Variants in DPYSL2 observed in about 807,000 individuals in gnomAD.
The protein encoded by DPYSL2 is dihydropyrimidinase-related protein 2.
DPYSL2 carries 13 observed loss-of-function variants against 69.9 expected under a neutral mutation model. The observed-to-expected ratio is 0.19, with a 90% CI of 0.12 to 0.30. DPYSL2 has a LOEUF of 0.30. Ranked by LOEUF, DPYSL2 falls within the 10% of genes least tolerant of loss-of-function variation. The probability of loss-of-function intolerance (pLI) is 1.00; values close to 1 mark genes in which losing one functional copy is unlikely to be tolerated. For synonymous variants in DPYSL2, 326 were observed against 359.1 expected (o/e 0.91, Z 1.04); for missense variants, 587 against 918.9 (o/e 0.64, Z 4.67).
At chr8:26,577,684 G>A (rs1801384227) in intron 1 of DPYSL2, 1 of 517,162 alleles carries the variant, frequency 1.9e-6, no homozygotes, top group African/African-American at 2.1e-5. Context: ...GCCAAACCCG[G>A]TCCCCACCGC....
intron 7 of DPYSL2, among the ~76,000 whole-genome samples, chr8:26,631,342 G>A (rs1175638096): frequency 6.6e-6 from 1 of 152,186 alleles, no homozygotes; most frequent in Non-Finnish European, 1.5e-5. Context: ...TTATGTGGCG[G>A]CAAGAGAGCG....
chr8:26,574,916 C>G (rs1428349288), intron 1 of DPYSL2, among the ~76,000 whole-genome samples: 1 of 152,126 alleles, frequency 6.6e-6, no homozygotes, highest in African/African-American at 2.4e-5. Context: ...CACCACCACA[C>G]TCAGCTAATT....
chr8:26,575,342 T>G (rs990194788), intron 1 of DPYSL2, among the ~76,000 whole-genome samples: 3 of 152,062 alleles, frequency 2.0e-5, no homozygotes, highest in Non-Finnish European at 4.4e-5. Flanking sequence ...CCTGTTTACC[T>G]GTGGTTTTTT....
At chr8:26,561,199 C>T (rs1801064444) in intron 1 of DPYSL2, among the ~76,000 whole-genome samples, 1 of 152,048 alleles carries the variant, frequency 6.6e-6, no homozygotes, top group African/African-American at 2.4e-5. Flanking sequence ...GACAACCACT[C>T]CTGCTTTCTT....
At chr8:26,622,991 C>G (rs1802532665) in intron 3 of DPYSL2, among the ~76,000 whole-genome samples, 1 of 152,148 alleles carries the variant, frequency 6.6e-6, no homozygotes, top group South Asian at 2.1e-4. Context: ...TATTGTTGCA[C>G]AAGTTTGATT....
intron 1 of DPYSL2, among the ~76,000 whole-genome samples, chr8:26,524,600 C>T (rs746739068): frequency 6.6e-6 from 1 of 151,856 alleles, no homozygotes; most frequent in African/African-American, 2.4e-5. Context: ...GAGTTTGAGA[C>T]CAGCCTGGCC....
rs1802610014 is a variant in DPYSL2, at chr8:26,626,304, G to A, written c.794-313G>A. ...GAATAATTCTGCTATGAACATGGAT[G>A]TGCAAACACTGGCAACTTTTAATTT... On this transcript the variant is annotated intron_variant, in intron 4 of 13. Transcript: ENST00000521913. The surrounding 1 kb of genome is among the most constrained non-coding windows in gnomAD (Gnocchi z 4.3). Among the ~76,000 whole-genome samples, 1 of 152,192 alleles carries A rather than the reference G, an allele frequency of 6.6e-6. No individual in the cohort carries two copies. Among genetic ancestry groups the A allele is most frequent in the South Asian group, 2.1e-4 (1 of 4,826 alleles).
At chr8:26,622,215 G>C (rs1268417970) in intron 3 of DPYSL2, among the ~76,000 whole-genome samples, 1 of 144,974 alleles carries the variant, frequency 6.9e-6, no homozygotes, top group East Asian at 2.2e-4. Context: ...GTTGATGAGG[G>C]GACATACAAC....
intron 1 of DPYSL2, among the ~76,000 whole-genome samples, chr8:26,550,203 G>A (rs1391782899): frequency 2.0e-5 from 3 of 152,182 alleles, no homozygotes; most frequent in Admixed American, 2.0e-4. Flanking sequence ...CTGCGATGAA[G>A]TGGTATAGTG....
intron 1 of DPYSL2, among the ~76,000 whole-genome samples, chr8:26,574,040 G>A (rs557150200): frequency 6.6e-6 from 1 of 152,054 alleles, no homozygotes; most frequent in Non-Finnish European, 1.5e-5. Context: ...GAGAAGAGGG[G>A]GCTTTTTGCT....
intron 3 of DPYSL2, among the ~76,000 whole-genome samples, chr8:26,616,349 G>A (rs942903440): frequency 1.3e-5 from 2 of 152,160 alleles, no homozygotes; most frequent in Non-Finnish European, 2.9e-5. Flanking sequence ...TTCCCTGCCT[G>A]GTTGATGAGG....
chr8:26,577,772 T>A, intron 1 of DPYSL2: 1 of 987,554 alleles, frequency 1.0e-6, no homozygotes, highest in Non-Finnish European at 1.2e-6. Context: ...GGCCGTTCAC[T>A]GCCGCATTTC....
chr8:26,601,177 A>G (rs1563404364), intron 3 of DPYSL2, among the ~76,000 whole-genome samples: 1 of 152,136 alleles, frequency 6.6e-6, no homozygotes, highest in East Asian at 1.9e-4. Flanking sequence ...CCCTCCTTGG[A>G]TGCTATACCC....
At position 26,652,018 on chromosome 8, in the gene DPYSL2, AATT is replaced by A. The variant is rs1344001650; in HGVS notation, c.1597-235_1597-233del. Among the ~76,000 whole-genome samples, 2 of 152,194 alleles carry A rather than the reference AATT, an allele frequency of 1.3e-5. No individual in the cohort carries two copies. Among genetic ancestry groups the A allele is most frequent in the African/African-American group, 4.8e-5 (2 of 41,452 alleles). On this transcript the variant is annotated intron_variant, in intron 11 of 13. Transcript: ENST00000521913. This position sits in a 1 kb window ranked among gnomAD's most constrained non-coding sequence, Gnocchi z 6.3. ...TTACAAACATGCACCCTTTTCACAC[AATT>A]ATTCTGTTTAATTATTTTTCTTTCT...
intron 1 of DPYSL2, among the ~76,000 whole-genome samples, chr8:26,572,290 G>T (rs1019672960): frequency 6.6e-6 from 1 of 152,204 alleles, no homozygotes; most frequent in African/African-American, 2.4e-5. Flanking sequence ...CACGTTCCGG[G>T]CAGATGCTGA....
At chr8:26,559,189 C>T (rs1356116851) in intron 1 of DPYSL2, among the ~76,000 whole-genome samples, 4 of 152,148 alleles carry the variant, frequency 2.6e-5, no homozygotes, top group Admixed American at 6.6e-5. Flanking sequence ...GCAACCCACT[C>T]GCCTCCGCCT....
intron 3 of DPYSL2, among the ~76,000 whole-genome samples, chr8:26,612,815 GTAGAA>G (rs1279529277): frequency 2.6e-5 from 4 of 152,208 alleles, no homozygotes; most frequent in Non-Finnish European, 5.9e-5. Context: ...GGTTTAAGCT[GTAGAA>G]GGAGGCAGGT....
intron 1 of DPYSL2, among the ~76,000 whole-genome samples, chr8:26,544,870 G>A (rs1440290941): frequency 6.6e-6 from 1 of 152,162 alleles, no homozygotes; most frequent in Non-Finnish European, 1.5e-5. Context: ...ACTTATATCA[G>A]ACAAAATAGA....
At chr8:26,544,027 A>C (rs1345120701) in intron 1 of DPYSL2, among the ~76,000 whole-genome samples, 1 of 132,108 alleles carries the variant, frequency 7.6e-6, no homozygotes, top group Non-Finnish European at 1.6e-5. Context: ...AGATATAAGC[A>C]TCTATAGTAC....
Sources: gnomAD v4.1 joint callset for allele counts (sites outside exome capture counted in the v4.1 genomes callset) on GRCh38, gnomAD v4.1.1 for gene constraint, Gnocchi (gnomAD v3.1) non-coding constraint, MANE v1.5 for transcripts, NCBI Gene and HGNC (gene_info 2026-07-23, HGNC 2026-07-21) for gene names.